CD38: variants seen among roughly 807,000 people sequenced by gnomAD.
The protein encoded by CD38 is ADP-ribosyl cyclase/cyclic ADP-ribose hydrolase 1.
CD38 carries 31 observed loss-of-function variants against 36.3 expected under a neutral mutation model. The ratio of observed to expected loss-of-function variants is 0.85; its 90% CI spans 0.64 to 1.15. The LOEUF is 1.15. Among genes scored for constraint, CD38 ranks in the 50% most tolerant of loss-of-function variants. The pLI, the probability that CD38 is intolerant of heterozygous loss-of-function variation, is 0.00. For synonymous variants in CD38, 131 were observed against 135.2 expected, an observed-to-expected ratio of 0.97 and a Z score of 0.22; for missense variants, 380 against 371.9, an observed-to-expected ratio of 1.02 and a Z score of -0.18.
chr4:15,796,202 T>C (rs1338522718), intron 1 of CD38, among the ~76,000 whole-genome samples: 2 of 152,150 alleles, frequency 1.3e-5, no homozygotes, highest in Non-Finnish European at 2.9e-5. Context: ...AAGATTTAGT[T>C]AGTTGTTCAC....
intron 7 of CD38, among the ~76,000 whole-genome samples, chr4:15,841,689 G>A (rs1724212060): frequency 6.7e-6 from 1 of 149,738 alleles, no homozygotes; most frequent in East Asian, 2.0e-4. Flanking sequence ...GTGGGCGCAG[G>A]CCAGTGTGTG....
intron 2 of CD38, 145 bp from the exon 3 acceptor site, chr4:15,824,736 T>C (rs779910376): frequency 3.5e-5 from 24 of 682,006 alleles, no homozygotes; most frequent in South Asian, 7.2e-5. Context: ...ACAGAAATCA[T>C]TGATGCTTAC....
chr4:15,814,329 T>C (rs1040182647), intron 1 of CD38, among the ~76,000 whole-genome samples: 1 of 152,162 alleles, frequency 6.6e-6, no homozygotes, highest in Non-Finnish European at 1.5e-5. Context: ...AGTTGTAGAC[T>C]TAGGATATTA....
intron 1 of CD38, among the ~76,000 whole-genome samples, chr4:15,788,115 TCTC>T (rs1395369719): frequency 2.0e-5 from 3 of 152,200 alleles, no homozygotes; most frequent in South Asian, 4.1e-4. Context: ...CTCTGACTGA[TCTC>T]CTATATTTGA....
chr4:15,788,008 A>G (rs111281373), intron 1 of CD38, among the ~76,000 whole-genome samples: 64 of 152,360 alleles, frequency 4.2e-4, no homozygotes, highest in African/African-American at 1.4e-3. Context: ...CGTCAGGGTA[A>G]GAGAACAGCT....
chr4:15,800,290 A>G (rs912747988), intron 1 of CD38, among the ~76,000 whole-genome samples: 1 of 152,024 alleles, frequency 6.6e-6, no homozygotes, highest in African/African-American at 2.4e-5. Flanking sequence ...TCTTACACAT[A>G]CTGTTTTATT....
At position 15,848,740 on chromosome 4, in the gene CD38, T is replaced by C. The variant is rs181591023; in HGVS notation, c.*138T>C. The C allele has an allele frequency of 1.2e-4, 66 of 557,838 alleles. No homozygotes were observed. The Middle Eastern group carries it at 1.5e-3, about 12-fold the overall frequency. 34.6% of individuals were successfully genotyped at this position (557,838 alleles called of 1,614,324 possible). On this transcript the variant is annotated 3_prime_UTR_variant, in exon 8 of 8. Coordinates refer to ENST00000226279, the MANE Select transcript of CD38 (RefSeq NM_001775.4). ...AAGGTCAATGCCAGAGACGGAAGCC[T>C]TTTTCCCCAAAGTCTTAAAATAACT...
chr4:15,831,500 G>C (rs1723957711), intron 3 of CD38, among the ~76,000 whole-genome samples: 1 of 152,014 alleles, frequency 6.6e-6, no homozygotes, highest in Non-Finnish European at 1.5e-5. Flanking sequence ...TGTTTGTCTG[G>C]AAAAGTCTGT....
Position 15,848,517 on chromosome 4 carries a change from C to CT in CD38, c.840-16dup, listed in dbSNP as rs1560322681. The CT allele has an allele frequency of 2.5e-6, 4 of 1,602,602 alleles. No homozygotes were observed. The Admixed American group carries it at 6.7e-5, about 27-fold the overall frequency. On this transcript the variant is annotated intron_variant, in intron 7 of 7. Coordinates refer to ENST00000226279, the MANE Select transcript of CD38 (RefSeq NM_001775.4). ...ATGTATCCTACGGTCTCTTGATTTCCTTTTTTGCTTTCTTGTCATAGACCT... is the reference window on the plus strand; with the variant it reads ...ATGTATCCTACGGTCTCTTGATTTCCTTTTTTTGCTTTCTTGTCATAGACCT...
At chr4:15,806,920 G>A (rs937798471) in intron 1 of CD38, among the ~76,000 whole-genome samples, 3 of 152,120 alleles carry the variant, frequency 2.0e-5, no homozygotes, top group East Asian at 1.9e-4. Context: ...AGCTGATCAC[G>A]GAGCTTTGGC....
intron 4 of CD38, among the ~76,000 whole-genome samples, chr4:15,836,164 A>G (rs1298472966): frequency 1.3e-5 from 2 of 152,180 alleles, no homozygotes; most frequent in Non-Finnish European, 2.9e-5. Flanking sequence ...TTTTTTTAAA[A>G]CAGGAGTTTT....
At chr4:15,812,148 G>T (rs754335483) in intron 1 of CD38, among the ~76,000 whole-genome samples, 19 of 152,112 alleles carry the variant, frequency 1.2e-4, no homozygotes, top group Non-Finnish European at 2.4e-4. Flanking sequence ...AGTTAGAACT[G>T]GTCCTGTGAT....
rs372839265 is a variant in CD38, at chr4:15,838,143, A to G, written c.637A>G (p.Ser213Gly). The G allele has an allele frequency of 5.6e-5, 91 of 1,613,646 alleles. No individual in the cohort carries two copies. The highest frequency in any genetic ancestry group is 7.3e-5 in the Non-Finnish European group (86 of 1,179,710). Residue 213 changes from serine (S) to glycine (G), a missense_variant, in exon 5 of 8, where the codon AGT becomes GGT. Coordinates refer to ENST00000226279, the MANE Select transcript of CD38 (RefSeq NM_001775.4). ...VVHVMLNGSRSKIFDKNSTFG... is the reference protein window; with the variant it reads ...VVHVMLNGSRGKIFDKNSTFG... ...CCATGTGATGCTCAATGGATCCCGC[A>G]GTAAAATCTTTGACAAAAACAGGTA...
At chr4:15,801,552 C>A (rs1168494473) in intron 1 of CD38, among the ~76,000 whole-genome samples, 2 of 152,094 alleles carry the variant, frequency 1.3e-5, no homozygotes, top group East Asian at 1.9e-4. Context: ...CAACAAAATA[C>A]TAGCAAACTG....
chr4:15,803,414 G>T (rs112841801), intron 1 of CD38, among the ~76,000 whole-genome samples: 1 of 152,072 alleles, frequency 6.6e-6, no homozygotes, highest in Admixed American at 6.6e-5. Flanking sequence ...AATATACAAG[G>T]AACTTAACAG....
chr4:15,820,123 CT>C (rs964397852), intron 2 of CD38, among the ~76,000 whole-genome samples: 8 of 152,136 alleles, frequency 5.3e-5, no homozygotes, highest in African/African-American at 1.9e-4. Context: ...GAAATAAAAT[CT>C]TTTTCAGACA....
rs1207409099 is a variant in CD38 at position 15,851,863 on chromosome 4, C to T, written c.*3261C>T. On this transcript the variant is annotated 3_prime_UTR_variant, in exon 8 of 8. Coordinates refer to ENST00000226279, the MANE Select transcript of CD38 (RefSeq NM_001775.4). ...TACACACCCAGGCTACATGGTATCA[C>T]CTATTCCTCCTAGGCTACAAGCCTG... The T allele has an allele frequency of 6.6e-6, 1 of 152,190 alleles. No homozygotes were observed. Among genetic ancestry groups the T allele is most frequent in the African/African-American group, 2.4e-5 (1 of 41,434 alleles). 9.4% of individuals were successfully genotyped at this position (152,190 alleles called of 1,614,324 possible). A position where few individuals can be genotyped will look rare whatever the true frequency, so the allele number is the denominator to read the frequency against.
chr4:15,851,127 A>G lies in CD38; in HGVS notation c.*2525A>G, dbSNP rs1443645374. The stretch of plus-strand genomic sequence containing the variant: ...GTGCTTTAGAGGGTCCCAGGGAGCC[A>G]CAGAGGTGGTGAGGGGCTGGGTGCT... On this transcript the variant is annotated 3_prime_UTR_variant, in exon 8 of 8. Coordinates refer to ENST00000226279, the MANE Select transcript of CD38 (RefSeq NM_001775.4). 4.6e-5 allele frequency: 7 copies of G among 152,364 alleles called. No homozygotes were observed. Among genetic ancestry groups the G allele is most frequent in the Non-Finnish European group, 1.0e-4 (7 of 68,186 alleles). 9.4% of individuals were successfully genotyped at this position (152,364 alleles called of 1,614,324 possible). A position where few individuals can be genotyped will look rare whatever the true frequency, so the allele number is the denominator to read the frequency against.
chr4:15,782,366 GC>G (rs1389125931), intron 1 of CD38, among the ~76,000 whole-genome samples: 1 of 152,174 alleles, frequency 6.6e-6, no homozygotes, highest in Non-Finnish European at 1.5e-5. Context: ...GGATTTGTTA[GC>G]TTTTCTGTTT....
Sources: gnomAD v4.1 joint callset for allele counts (sites outside exome capture counted in the v4.1 genomes callset) on GRCh38, gnomAD v4.1.1 for gene constraint, MANE v1.5 for transcripts, NCBI Gene and HGNC (gene_info 2026-07-23, HGNC 2026-07-21) for gene names.